Variants in NSD2 observed in about 807,000 individuals in gnomAD.
NSD2 encodes the protein nuclear receptor binding SET domain protein 2, also known as histone-lysine N-methyltransferase NSD2.
NSD2 carries 12 observed loss-of-function variants against 139.0 expected under a neutral mutation model. The ratio of observed to expected loss-of-function variants is 0.09; its 90% confidence interval spans 0.06 to 0.14. The LOEUF (loss-of-function observed/expected upper bound fraction) is 0.14. NSD2 is among the 10% of genes least tolerant of loss of function. The pLI is 1.00. For synonymous variants in NSD2, 669 were observed against 648.7 expected (o/e 1.03, Z -0.48); for missense variants, 1,155 against 1,745.0 (o/e 0.66, Z 6.02).
rs531773597 is a variant in NSD2, at chr4:1,973,456, C to A, written c.3373-1407C>A. On this transcript the variant is annotated intron_variant, in intron 18 of 21. Coordinates refer to ENST00000508803, the MANE Select transcript of NSD2 (RefSeq NM_001042424.3). This position sits in a 1 kb window ranked among gnomAD's most constrained non-coding sequence, Gnocchi z 5.5. ...GCCAACGTGCACATCAGCACCGCGG[C>A]TCAGCGCGTCATGACAAAGCATCTG... Among the ~76,000 whole-genome samples, 3 of 152,264 alleles carry A rather than the reference C, an allele frequency of 2.0e-5. No homozygotes were observed. The South Asian group carries it at 6.2e-4, about 31-fold the overall frequency.
In NSD2 at chr4:1,968,787, A is replaced by C. The variant is rs191633167; in HGVS notation, c.3373-6076A>C. 3.1e-3 allele frequency among the ~76,000 whole-genome samples: 472 copies of C among 152,342 alleles called. 1 individual carries two copies. The highest frequency in any genetic ancestry group is 0.011 in the African/African-American group (456 of 41,586). ...TTGTAGTTATTGGGGTGGAGGAGAC[A>C]CAGGAGACAGCATGGAGAGGAAGAA... On this transcript the variant is annotated intron_variant, in intron 18 of 21. Transcript: ENST00000508803.
Position 1,903,977 on chromosome 4 carries a change from G to A in NSD2, c.598-239G>A, listed in dbSNP as rs543569381. Among the ~76,000 whole-genome samples, 12 of 152,190 alleles carry A rather than the reference G, an allele frequency of 7.9e-5. No individual in the cohort carries two copies. In the South Asian group the frequency reaches 8.3e-4, roughly 11 times the overall value. ...TCTTGATCTCCTGAACTCGTGATCC[G>A]CCCACGTTGGCCTCCCAAAGTGCTG... On this transcript the variant is annotated intron_variant, in intron 2 of 21. Transcript: ENST00000508803.
In NSD2 at chr4:1,938,337, G is replaced by A. The variant is rs1722645043; in HGVS notation, c.1675-114G>A. 4.4e-6 allele frequency: 4 copies of A among 911,854 alleles called. No individual in the cohort carries two copies. The African/African-American group carries it at 7.0e-5, about 16-fold the overall frequency. The allele number at this position is 911,854 out of a possible 1,614,324, so 56.5% of individuals were successfully genotyped here. On this transcript the variant is annotated intron_variant, in intron 7 of 21. Transcript: ENST00000508803. The stretch of plus-strand genomic sequence containing the variant: ...AGCAACCTGTGTTCATTCACATGAG[G>A]AGATTTTTTTTCCTTTCTTTTCCTT...
intron 5 of NSD2, among the ~76,000 whole-genome samples, chr4:1,919,497 A>G (rs567925462): frequency 6.6e-6 from 1 of 152,214 alleles, no homozygotes; most frequent in Non-Finnish European, 1.5e-5. Context: ...TGGGTTCCCC[A>G]CTTCCCACTT....
At chr4:1,936,580 A>C (rs1282683673) in intron 7 of NSD2, among the ~76,000 whole-genome samples, 1 of 151,284 alleles carries the variant, frequency 6.6e-6, no homozygotes, top group Non-Finnish European at 1.5e-5. Flanking sequence ...AGGCAGGAGA[A>C]TCACTTGAAC....
In NSD2 at chr4:1,921,565, G is replaced by A. The variant is rs1265650242; in HGVS notation, c.1410+2942G>A. ...GGGAGGCTGAGACAGGTGGATCAATGAAAGCTGGGAGTTTGAGACCAGCAT... is the reference window on the plus strand; with the variant it reads ...GGGAGGCTGAGACAGGTGGATCAATAAAAGCTGGGAGTTTGAGACCAGCAT... On this transcript the variant is annotated intron_variant, in intron 5 of 21. Coordinates refer to ENST00000508803, the MANE Select transcript of NSD2 (RefSeq NM_001042424.3). Among the ~76,000 whole-genome samples, 5 of 151,030 alleles carry A rather than the reference G, an allele frequency of 3.3e-5. No homozygotes were observed. The East Asian group carries it at 9.9e-4, about 30-fold the overall frequency.
intron 6 of NSD2, among the ~76,000 whole-genome samples, chr4:1,932,813 T>C (rs1721824960): frequency 6.6e-6 from 1 of 152,192 alleles, no homozygotes; most frequent in Non-Finnish European, 1.5e-5. Flanking sequence ...AAGCGGCTGC[T>C]GCCTCATCCT....
chr4:1,968,697 A>G (rs937347760), intron 18 of NSD2, among the ~76,000 whole-genome samples: 9 of 152,198 alleles, frequency 5.9e-5, no homozygotes, highest in African/African-American at 2.2e-4. Flanking sequence ...ATAAGTTAAG[A>G]CTAAGATTCA....
chr4:1,874,119 T>G (rs1056621036), intron 1 of NSD2, among the ~76,000 whole-genome samples: 2 of 152,272 alleles, frequency 1.3e-5, no homozygotes, highest in Admixed American at 6.5e-5. Flanking sequence ...GGCTTTTTAC[T>G]CATATATTCT....
At position 1,948,843 on chromosome 4, in the gene NSD2, GTCTT is replaced by G. The variant is rs540934192; in HGVS notation, c.1882-2225_1882-2222del. The G allele has an allele frequency of 6.8e-5, 68 of 1,004,982 alleles. No individual in the cohort carries two copies. Among genetic ancestry groups the G allele is most frequent in the Non-Finnish European group, 7.7e-5 (64 of 835,710 alleles). The allele number at this position is 1,004,982 out of a possible 1,614,324, so 62.3% of individuals were successfully genotyped here. On this transcript the variant is annotated intron_variant, in intron 9 of 21. Coordinates refer to ENST00000508803, the MANE Select transcript of NSD2 (RefSeq NM_001042424.3). The surrounding 1 kb of genome is among the most constrained non-coding windows in gnomAD (Gnocchi z 4.5). The stretch of plus-strand genomic sequence containing the variant: ...GACCCAGGACTGCTTTGTGTTTTCT[GTCTT>G]TCTCTCCATGCATTTTTTTTCTCAT...
In NSD2 at chr4:1,939,735, T is replaced by G; in HGVS notation, c.1838T>G (p.Phe613Cys). Residue 613 changes from phenylalanine (F) to cysteine (C), a missense_variant, in exon 9 of 22, where the codon TTT (phenylalanine) becomes TGT (cysteine). This residue lies in a region of NSD2 where 420 missense variants were observed against 469.0 expected (regional missense o/e 0.90). Transcript: ENST00000508803. ...ASTAASSALG[F>C]SKSSSPSASL... ...ACGGCAGCATCTTCAGCTCTTGGGT[T>G]TAGCAAAAGTTCATCTCCTTCTGCA... The G allele has an allele frequency of 6.2e-7, 1 of 1,614,242 alleles. No individual in the cohort carries two copies. Among genetic ancestry groups the G allele is most frequent in the Non-Finnish European group, 8.5e-7 (1 of 1,180,046 alleles).
In NSD2 at chr4:1,981,135, A is replaced by G. The variant is rs1369423263; in HGVS notation, c.*2226A>G. ...TCTTGTGATTTTTAATCGCTTTGAT[A>G]ATACTTCCAAATTTTATGATTTTTC... On this transcript the variant is annotated 3_prime_UTR_variant, in exon 22 of 22. Coordinates refer to ENST00000508803, the MANE Select transcript of NSD2 (RefSeq NM_001042424.3). 5 of 233,214 alleles carry G rather than the reference A, an allele frequency of 2.1e-5. No individual in the cohort carries two copies. Among genetic ancestry groups the G allele is most frequent in the African/African-American group, 4.4e-5 (2 of 45,372 alleles). The allele number at this position is 233,214 out of a possible 1,614,324, so 14.4% of individuals were successfully genotyped here.
chr4:1,916,125 C>A (rs539496478), intron 3 of NSD2, among the ~76,000 whole-genome samples: 76 of 152,218 alleles, frequency 5.0e-4, no homozygotes, highest in African/African-American at 1.6e-3. Context: ...GCCACTGATG[C>A]TCCTGTCACT....
Position 1,978,926 on chromosome 4 carries a change from G to C in NSD2, c.*17G>C. ...GGCAAATAGCGCCAGGCGGCCGCTTGGCCGGATCCAGGGGCGGTGCAGGGC... is the reference window on the plus strand; with the variant it reads ...GGCAAATAGCGCCAGGCGGCCGCTTCGCCGGATCCAGGGGCGGTGCAGGGC... On this transcript the variant is annotated 3_prime_UTR_variant, in exon 22 of 22. Coordinates refer to ENST00000508803, the MANE Select transcript of NSD2 (RefSeq NM_001042424.3). 4 of 1,483,034 alleles carry C rather than the reference G, an allele frequency of 2.7e-6. No homozygotes were observed. Among genetic ancestry groups the C allele is most frequent in the Non-Finnish European group, 2.7e-6 (3 of 1,113,848 alleles). 91.9% of individuals were successfully genotyped at this position (1,483,034 alleles called of 1,614,324 possible).
chr4:1,875,271 AGCTTTTTACTT>A (rs1209391094), intron 1 of NSD2, among the ~76,000 whole-genome samples: 2 of 147,090 alleles, frequency 1.4e-5, no homozygotes, highest in Non-Finnish European at 3.0e-5. Flanking sequence ...GTTGCAGTAT[AGCTTTTTACTT>A]TTTTTTTTTT....
At chr4:1,913,256 A>T (rs1189974462) in intron 3 of NSD2, among the ~76,000 whole-genome samples, 2 of 152,182 alleles carry the variant, frequency 1.3e-5, no homozygotes, top group African/African-American at 4.8e-5. Context: ...GGCACCTGTT[A>T]CTTAGCCGAC....
Position 1,982,092 on chromosome 4 carries a change from G to GAA in NSD2, c.*3184_*3185insAA, listed in dbSNP as rs1727825210. ...GGGGGGAGGGATATACTGAAATAGA[G>GAA]AGTTGAGACTTGCCAGTTGGGGGAA... On this transcript the variant is annotated 3_prime_UTR_variant, in exon 22 of 22. Transcript: ENST00000508803. The GAA allele has an allele frequency of 2.5e-6, 1 of 397,170 alleles. No homozygotes were observed. Among genetic ancestry groups the GAA allele is most frequent in the Non-Finnish European group, 4.4e-6 (1 of 225,686 alleles). 24.6% of individuals were successfully genotyped at this position (397,170 alleles called of 1,614,324 possible). A position where few individuals can be genotyped will look rare whatever the true frequency, so the allele number is the denominator to read the frequency against.
At position 1,943,181 on chromosome 4, in the gene NSD2, A is replaced by G. The variant is rs927649045; in HGVS notation, c.1881+3403A>G. On this transcript the variant is annotated intron_variant, in intron 9 of 21. Transcript: ENST00000508803. The stretch of plus-strand genomic sequence containing the variant: ...CAGGTGTCCGCATTTTTGCATGGTA[A>G]GGAAAAGGCTTACTTGCCCTTCAGC... The G allele has an allele frequency of 3.8e-6, 4 of 1,041,654 alleles. No homozygotes were observed. The African/African-American group carries it at 6.7e-5, about 17-fold the overall frequency. The allele number at this position is 1,041,654 out of a possible 1,614,324, so 64.5% of individuals were successfully genotyped here.
chr4:1,978,341 G>A (rs1727337977), intron 21 of NSD2, among the ~76,000 whole-genome samples: 1 of 152,120 alleles, frequency 6.6e-6, no homozygotes, highest in Non-Finnish European at 1.5e-5. Flanking sequence ...GCCCCTGCCT[G>A]TCCACGCCGC....
Sources: allele counts gnomAD v4.1 joint callset (sites outside exome capture counted in the v4.1 genomes callset), GRCh38; gene constraint gnomAD v4.1.1; regional missense constraint gnomAD v4.1.1; non-coding constraint Gnocchi (gnomAD v3.1); transcripts MANE v1.5; gene names NCBI Gene and HGNC (gene_info 2026-07-23, HGNC 2026-07-21).